The following LRRTM4 variants were observed in gnomAD, a reference collection of about 807,000 sequenced individuals.
LRRTM4 encodes the protein leucine rich repeat transmembrane neuronal 4, also known as leucine-rich repeat transmembrane neuronal protein 4.
In LRRTM4, 25 loss-of-function variants were observed where a neutral mutation model predicts 47.6. The ratio of observed to expected loss-of-function variants is 0.53; its 90% CI spans 0.38 to 0.73. The LOEUF is 0.73. LRRTM4 is among the 30% of genes least tolerant of loss of function. LRRTM4 has a pLI of 0.00. For missense variants in LRRTM4, 638 were observed against 713.4 expected, an observed-to-expected ratio of 0.89 and a Z score of 1.20; for synonymous variants, 311 against 269.5, an observed-to-expected ratio of 1.15 and a Z score of -1.51.
chr2:77,046,648 T>C (rs1309039578), intron 3 of LRRTM4, among the ~76,000 whole-genome samples: 2 of 151,894 alleles, frequency 1.3e-5, no homozygotes, highest in South Asian at 2.1e-4. Flanking sequence ...GAGGAAGCAA[T>C]TGCCTCATTC....
intron 3 of LRRTM4, among the ~76,000 whole-genome samples, chr2:76,859,080 A>G (rs531750162): frequency 2.8e-4 from 43 of 152,318 alleles, no homozygotes; most frequent in African/African-American, 9.4e-4. Context: ...AAACATAGCT[A>G]TATTTTCCAA....
At chr2:76,925,772 C>G (rs899580657) in intron 3 of LRRTM4, among the ~76,000 whole-genome samples, 25 of 152,178 alleles carry the variant, frequency 1.6e-4, no homozygotes, top group Admixed American at 1.4e-3. Flanking sequence ...TTTTACTATG[C>G]AATTTTGCAT....
intron 3 of LRRTM4, among the ~76,000 whole-genome samples, chr2:77,108,578 C>CTTTTTTTTTTTTTT (rs200805423): frequency 2.1e-5 from 3 of 142,950 alleles, no homozygotes; most frequent in Non-Finnish European, 3.0e-5. Flanking sequence ...CACAAACATT[C>CTTTTTTTTTTTTTT]TTTTTTTTTT....
At chr2:76,808,573 A>G (rs1670633003) in intron 3 of LRRTM4, among the ~76,000 whole-genome samples, 1 of 152,214 alleles carries the variant, frequency 6.6e-6, no homozygotes. Flanking sequence ...TATATAATTT[A>G]TCCTATTTTC....
chr2:76,883,892 C>T (rs1333077330), intron 3 of LRRTM4, among the ~76,000 whole-genome samples: 1 of 152,112 alleles, frequency 6.6e-6, no homozygotes, highest in Admixed American at 6.5e-5. Context: ...TAAATTAGCT[C>T]ACTGTAGTCT....
chr2:76,923,902 T>C (rs1197382025), intron 3 of LRRTM4, among the ~76,000 whole-genome samples: 1 of 152,118 alleles, frequency 6.6e-6, no homozygotes, highest in Admixed American at 6.6e-5. Context: ...TTTTTTTACA[T>C]TCCTGAAATA....
intron 3 of LRRTM4, among the ~76,000 whole-genome samples, chr2:76,963,757 A>G (rs1675937929): frequency 6.6e-6 from 1 of 150,840 alleles, no homozygotes; most frequent in Admixed American, 6.6e-5. Context: ...ATTGTTTATA[A>G]TAGTGAAAAA....
At chr2:77,148,195 A>G (rs2103778314) in intron 3 of LRRTM4, among the ~76,000 whole-genome samples, 1 of 152,264 alleles carries the variant, frequency 6.6e-6, no homozygotes, top group South Asian at 2.1e-4. Context: ...TCATGAACAT[A>G]GGTAATTAGC....
At chr2:76,955,882 T>C (rs149738252) in intron 3 of LRRTM4, among the ~76,000 whole-genome samples, 1,580 of 151,850 alleles carry the variant, frequency 0.01, 11 homozygotes, top group Non-Finnish European at 0.018. Context: ...TCTCCCACTC[T>C]ATGGTAAATT....
chr2:76,896,368 G>A (rs373585847), intron 3 of LRRTM4, among the ~76,000 whole-genome samples: 2 of 151,876 alleles, frequency 1.3e-5, no homozygotes, highest in African/African-American at 4.8e-5. Context: ...GCTTCAACTT[G>A]AGTGCAAAAA....
intron 3 of LRRTM4, among the ~76,000 whole-genome samples, chr2:76,885,602 G>A (rs1196871758): frequency 2.6e-5 from 4 of 151,320 alleles, no homozygotes; most frequent in Non-Finnish European, 4.4e-5. Context: ...AGCTGGGACC[G>A]CAAGCGCCCA....
intron 3 of LRRTM4, among the ~76,000 whole-genome samples, chr2:77,438,437 C>A (rs963637908): frequency 8.1e-6 from 1 of 123,940 alleles, no homozygotes; most frequent in East Asian, 2.3e-4. Flanking sequence ...GATGGAGTCT[C>A]GCTCTGTCGC....
chr2:77,376,924 A>C (rs1672862557), intron 3 of LRRTM4, among the ~76,000 whole-genome samples: 1 of 151,920 alleles, frequency 6.6e-6, no homozygotes. Flanking sequence ...TAACTACAAG[A>C]ACTATTTGTA....
intron 3 of LRRTM4, among the ~76,000 whole-genome samples, chr2:77,038,600 T>G (rs149867445): frequency 6.6e-6 from 1 of 151,636 alleles, no homozygotes; most frequent in African/African-American, 2.4e-5. Context: ...CTGTATGACA[T>G]AGTAAGATTT....
At chr2:77,270,330 C>T (rs1251037563) in intron 3 of LRRTM4, among the ~76,000 whole-genome samples, 5 of 151,912 alleles carry the variant, frequency 3.3e-5, no homozygotes, top group Admixed American at 6.6e-5. Flanking sequence ...ATCCTCTTGC[C>T]CTTTCTTTAC....
At chr2:77,069,945 A>C (rs2103824071) in intron 3 of LRRTM4, among the ~76,000 whole-genome samples, 1 of 152,284 alleles carries the variant, frequency 6.6e-6, no homozygotes, top group Non-Finnish European at 1.5e-5. Context: ...TATTTCAGAA[A>C]TACCCTCTAA....
intron 3 of LRRTM4, among the ~76,000 whole-genome samples, chr2:77,496,766 T>C (rs1480285647): frequency 6.6e-6 from 1 of 151,754 alleles, no homozygotes; most frequent in Non-Finnish European, 1.5e-5. Context: ...TTTTGTCTGC[T>C]TTTGCATCAT....
intron 3 of LRRTM4, among the ~76,000 whole-genome samples, chr2:77,424,525 T>C (rs1456806182): frequency 6.6e-6 from 1 of 152,180 alleles, no homozygotes; most frequent in Non-Finnish European, 1.5e-5. Flanking sequence ...ATAGAATAGT[T>C]TGATTTTTAA....
intron 3 of LRRTM4, among the ~76,000 whole-genome samples, chr2:77,477,963 G>GAA (rs1553449120): frequency 5.4e-4 from 62 of 115,718 alleles, no homozygotes; most frequent in African/African-American, 2.0e-3. Context: ...AAGAAAGAAA[G>GAA]AAAGAAAAAG....
Sources: allele counts gnomAD v4.1 joint callset (sites outside exome capture counted in the v4.1 genomes callset), GRCh38; gene constraint gnomAD v4.1.1; transcripts MANE v1.5; gene names NCBI Gene and HGNC (gene_info 2026-07-23, HGNC 2026-07-21).